IGF1R: variants seen among roughly 807,000 people sequenced by gnomAD.
The protein encoded by IGF1R is insulin like growth factor 1 receptor, also known as insulin-like growth factor 1 receptor.
A neutral mutation model predicts 144.6 loss-of-function variants in IGF1R; 44 were observed. The observed-to-expected ratio is 0.30, with a 90% CI of 0.24 to 0.39. IGF1R has a LOEUF of 0.39. IGF1R is among the 10% of genes least tolerant of loss of function. IGF1R has a pLI of 1.00. For synonymous variants in IGF1R, 795 were observed against 722.8 expected, an observed-to-expected ratio of 1.10 and a Z score of -1.60; for missense variants, 1,355 against 1,833.7, an observed-to-expected ratio of 0.74 and a Z score of 4.77.
intron 2 of IGF1R, among the ~76,000 whole-genome samples, chr15:98,748,443 G>A (rs907031758): frequency 1.3e-5 from 2 of 152,182 alleles, no homozygotes; most frequent in African/African-American, 4.8e-5. Flanking sequence ...CCAAAGTGCT[G>A]GGATTACAGG....
intron 2 of IGF1R, among the ~76,000 whole-genome samples, chr15:98,872,228 G>A (rs1425014398): frequency 6.6e-6 from 1 of 152,216 alleles, no homozygotes; most frequent in Non-Finnish European, 1.5e-5. Flanking sequence ...TTGAGCAGAG[G>A]TGAAATTTGA....
intron 20 of IGF1R, among the ~76,000 whole-genome samples, chr15:98,949,183 G>A (rs559322323): frequency 5.0e-4 from 76 of 152,184 alleles, no homozygotes; most frequent in Non-Finnish European, 1.0e-3. Flanking sequence ...CATGCACCAC[G>A]TAGGGTCAGC....
intron 1 of IGF1R, 53 bp downstream of exon 1, chr15:98,649,728 G>T: frequency 7.3e-7 from 1 of 1,369,770 alleles, no homozygotes; most frequent in East Asian, 2.3e-5. Context: ...CCTCCGAGGG[G>T]CTGCGCCCTG....
rs527431571 is a variant in IGF1R at position 98,727,727 on chromosome 15, G to A, written c.640+19620G>A. On this transcript the variant is annotated intron_variant, in intron 2 of 20. Transcript: ENST00000650285. ...CGGGGCAGTCACAGGCTTTCCTCTC[G>A]GCCTGCTTGTCCTCCGGGTGGGTCC... Among the ~76,000 whole-genome samples, 6 of 152,254 alleles carry A rather than the reference G, an allele frequency of 3.9e-5. No individual in the cohort carries two copies. In the East Asian group the frequency reaches 5.8e-4, roughly 15 times the overall value.
chr15:98,708,341 T>G (rs890737375), intron 2 of IGF1R, among the ~76,000 whole-genome samples: 1 of 152,206 alleles, frequency 6.6e-6, no homozygotes, highest in African/African-American at 2.4e-5. Context: ...GAGGCCATCA[T>G]GGCTGCTGTC....
intron 2 of IGF1R, among the ~76,000 whole-genome samples, chr15:98,750,525 TA>T (rs1436958369): frequency 6.6e-6 from 1 of 152,184 alleles, no homozygotes; most frequent in African/African-American, 2.4e-5. Flanking sequence ...GTTCTGTTCA[TA>T]AAAATTGCCC....
chr15:98,779,089 T>C (rs1419336318), intron 2 of IGF1R, among the ~76,000 whole-genome samples: 1 of 152,250 alleles, frequency 6.6e-6, no homozygotes, highest in East Asian at 1.9e-4. Flanking sequence ...CATTCAGTGC[T>C]GTGTGCTTGG....
chr15:98,936,848 G>T (rs1417488197), intron 17 of IGF1R, among the ~76,000 whole-genome samples: 1 of 151,930 alleles, frequency 6.6e-6, no homozygotes, highest in Non-Finnish European at 1.5e-5. Context: ...CCTCTTCCTG[G>T]TTCACTCACT....
intron 2 of IGF1R, among the ~76,000 whole-genome samples, chr15:98,843,780 A>C (rs2011221088): frequency 6.6e-6 from 1 of 152,184 alleles, no homozygotes; most frequent in Non-Finnish European, 1.5e-5. Context: ...TTGTTTCACC[A>C]TAAGTAGTAG....
intron 2 of IGF1R, among the ~76,000 whole-genome samples, chr15:98,753,268 G>A (rs376018935): frequency 2.7e-5 from 4 of 149,708 alleles, no homozygotes; most frequent in Non-Finnish European, 4.4e-5. Flanking sequence ...TCAGGCTGGC[G>A]TGCAGTGGCA....
intron 1 of IGF1R, among the ~76,000 whole-genome samples, chr15:98,688,515 T>C (rs2053394399): frequency 6.6e-6 from 1 of 152,074 alleles, no homozygotes; most frequent in African/African-American, 2.4e-5. Context: ...AATGCTATTA[T>C]AATGCTTTCG....
chr15:98,750,793 TTTTG>T (rs1313742573), intron 2 of IGF1R, among the ~76,000 whole-genome samples: 2 of 152,204 alleles, frequency 1.3e-5, no homozygotes, highest in Non-Finnish European at 2.9e-5. Flanking sequence ...TCTTCTAGTT[TTTTG>T]TTTGTTTTTG....
chr15:98,711,699 C>T (rs1187320334), intron 2 of IGF1R, among the ~76,000 whole-genome samples: 2 of 152,150 alleles, frequency 1.3e-5, no homozygotes, highest in Non-Finnish European at 2.9e-5. Flanking sequence ...TGAGTCTCTT[C>T]CTACCCCCAC....
chr15:98,906,779 C>T lies in IGF1R; in HGVS notation c.1248-1906C>T, dbSNP rs141921473. Among the ~76,000 whole-genome samples, 11 of 152,356 alleles carry T rather than the reference C, an allele frequency of 7.2e-5. No individual in the cohort carries two copies. In the East Asian group the frequency reaches 2.1e-3, roughly 29 times the overall value. ...AGAACTGTTGACTTACAAGTTTTTGCTACCGGTTTGGTGGTCACTAATGTG... is the reference window on the plus strand; with the variant it reads ...AGAACTGTTGACTTACAAGTTTTTGTTACCGGTTTGGTGGTCACTAATGTG... On this transcript the variant is annotated intron_variant, in intron 5 of 20. Transcript: ENST00000650285.
chr15:98,742,131 C>T (rs980937408), intron 2 of IGF1R, among the ~76,000 whole-genome samples: 1 of 152,164 alleles, frequency 6.6e-6, no homozygotes, highest in Non-Finnish European at 1.5e-5. Context: ...AAATGGTTCA[C>T]CTGACATTCA....
chr15:98,818,500 T>C (rs896891535), intron 2 of IGF1R, among the ~76,000 whole-genome samples: 3 of 151,738 alleles, frequency 2.0e-5, no homozygotes, highest in Non-Finnish European at 4.4e-5. Context: ...ATGAGAGATG[T>C]TGGTGGCTTG....
chr15:98,676,615 G>C (rs938576085), intron 1 of IGF1R, among the ~76,000 whole-genome samples: 1 of 152,072 alleles, frequency 6.6e-6, no homozygotes. Context: ...TTGTGTGTGT[G>C]TATGTTGTTT....
chr15:98,891,485 C>G lies in IGF1R; in HGVS notation c.801C>G (p.Asn267Lys). The change falls in exon 3 of 21, where the codon AAC becomes AAG. Residue 267 changes from asparagine to lysine, a missense_variant. Coordinates refer to ENST00000650285, the MANE Select transcript of IGF1R (RefSeq NM_000875.5). The surrounding 1 kb of genome is among the most constrained non-coding windows in gnomAD (Gnocchi z 4.7). ...AGVCVPACPP[N>K]TYRFEGWRCV... ...TCTGTGTGCCTGCCTGCCCGCCCAA[C>G]ACCTACAGGTTTGAGGGCTGGCGCT... is the stretch of plus-strand genomic sequence containing the variant. 6.2e-7 allele frequency: 1 copy of G among 1,614,112 alleles called. No homozygotes were observed. The highest frequency in any genetic ancestry group is 1.7e-5 in the Admixed American group (1 of 60,030).
At position 98,911,413 on chromosome 15, in the gene IGF1R, A is replaced by T; in HGVS notation, c.1561A>T (p.Ile521Phe). The change falls in exon 7 of 21, where the codon ATC (isoleucine) becomes TTC (phenylalanine). Residue 521 changes from isoleucine to phenylalanine, a missense_variant. By Grantham distance (21) the Ile-to-Phe change is conservative. Coordinates refer to ENST00000650285, the MANE Select transcript of IGF1R (RefSeq NM_000875.5). ...CCGGCCCCCTGACTACAGGGATCTC[A>T]TCAGCTTCACCGTTTACTACAAGGA... is the stretch of plus-strand genomic sequence containing the variant. ...RYRPPDYRDL[I>F]SFTVYYKEAP... 1 of 1,613,820 alleles carries T rather than the reference A, an allele frequency of 6.2e-7. No homozygotes were observed. Among genetic ancestry groups the T allele is most frequent in the Non-Finnish European group, 8.5e-7 (1 of 1,179,750 alleles).
Sources: allele counts gnomAD v4.1 joint callset (sites outside exome capture counted in the v4.1 genomes callset), GRCh38; gene constraint gnomAD v4.1.1; non-coding constraint Gnocchi (gnomAD v3.1); transcripts MANE v1.5; gene names NCBI Gene and HGNC (gene_info 2026-07-23, HGNC 2026-07-21).